The following KAZN variants were observed in gnomAD, a reference collection of about 807,000 sequenced individuals.
KAZN encodes the protein kazrin, periplakin interacting protein.
KAZN carries 40 observed loss-of-function variants against 87.4 expected under a neutral mutation model. That is an observed-to-expected ratio of 0.46 (90% CI 0.36 to 0.60). KAZN has a LOEUF of 0.60. Ranked by LOEUF, KAZN falls within the 20% of genes least tolerant of loss-of-function variation. The pLI is 0.00. For synonymous variants in KAZN, 466 were observed against 458.3 expected (o/e 1.02, Z -0.22); for missense variants, 898 against 1,073.9 (o/e 0.84, Z 2.29).
intron 2 of KAZN, among the ~76,000 whole-genome samples, chr1:14,559,897 C>T (rs1674151767): frequency 6.6e-6 from 1 of 152,250 alleles, no homozygotes. Context: ...GCAAGTGACA[C>T]TCACCAGTCC....
chr1:14,935,142 A>G (rs1432131842), intron 1 of KAZN, among the ~76,000 whole-genome samples: 1 of 152,168 alleles, frequency 6.6e-6, no homozygotes, highest in Non-Finnish European at 1.5e-5. Flanking sequence ...CTCTGCAGGG[A>G]CAGAGGCTAC....
At chr1:14,885,960 C>T (rs1653993924) in intron 1 of KAZN, among the ~76,000 whole-genome samples, 1 of 152,062 alleles carries the variant, frequency 6.6e-6, no homozygotes, top group Non-Finnish European at 1.5e-5. Flanking sequence ...TGTCCTGTGC[C>T]CTGTAGGATG....
At chr1:14,263,110 C>A (rs191725151) in intron 2 of KAZN, among the ~76,000 whole-genome samples, 1 of 152,252 alleles carries the variant, frequency 6.6e-6, no homozygotes, top group African/African-American at 2.4e-5. Flanking sequence ...GGAACCCAAA[C>A]CAAGTGTCTC....
At chr1:14,066,417 A>G (rs75189158) in intron 1 of KAZN, among the ~76,000 whole-genome samples, 3,107 of 152,308 alleles carry the variant, frequency 0.02, 81 homozygotes, top group East Asian at 0.067. Flanking sequence ...GGAGAATTCA[A>G]TCTCCTTGAA....
intron 2 of KAZN, among the ~76,000 whole-genome samples, chr1:14,297,534 ATCAGC>A (rs938208633): frequency 3.3e-5 from 5 of 152,034 alleles, no homozygotes; most frequent in African/African-American, 1.2e-4. Context: ...CTGGGCTCAG[ATCAGC>A]TCCCTCCCCC....
chr1:14,160,721 T>A (rs1173502790), intron 1 of KAZN, among the ~76,000 whole-genome samples: 1 of 152,216 alleles, frequency 6.6e-6, no homozygotes, highest in Non-Finnish European at 1.5e-5. Flanking sequence ...TAGAAGTAAG[T>A]GAATTTGGGG....
At chr1:14,849,112 A>T (rs760408217) in intron 1 of KAZN, among the ~76,000 whole-genome samples, 6 of 152,118 alleles carry the variant, frequency 3.9e-5, no homozygotes, top group Non-Finnish European at 5.9e-5. Context: ...CTCCCAGGGG[A>T]AAGTAGGATG....
At chr1:15,065,938 G>A (rs1398335665) in intron 8 of KAZN, 185 bp downstream of exon 8, 8 of 1,414,054 alleles carry the variant, frequency 5.7e-6, no homozygotes, top group African/African-American at 2.9e-5. Flanking sequence ...GGGTGTGGCC[G>A]AGCGCCTCTA....
intron 2 of KAZN, among the ~76,000 whole-genome samples, chr1:14,430,483 T>C (rs1200478699): frequency 2.6e-5 from 4 of 152,342 alleles, no homozygotes; most frequent in Non-Finnish European, 5.9e-5. Context: ...CTGGGTCCTA[T>C]TGATACTGAC....
chr1:14,253,141 C>T (rs1171631840), intron 2 of KAZN, among the ~76,000 whole-genome samples: 1 of 151,552 alleles, frequency 6.6e-6, no homozygotes, highest in Non-Finnish European at 1.5e-5. Flanking sequence ...AAAAAACGGC[C>T]CCACCCGGTT....
chr1:14,029,708 C>T (rs1312944616), intron 1 of KAZN, among the ~76,000 whole-genome samples: 1 of 151,858 alleles, frequency 6.6e-6, no homozygotes, highest in Non-Finnish European at 1.5e-5. Flanking sequence ...GCCAGTTTTC[C>T]CAACACCATT....
At chr1:14,914,513 A>T (rs1328351967) in intron 1 of KAZN, among the ~76,000 whole-genome samples, 1 of 152,158 alleles carries the variant, frequency 6.6e-6, no homozygotes, top group Non-Finnish European at 1.5e-5. Flanking sequence ...CCACTGAGGG[A>T]GATGAGTTTC....
At chr1:13,958,573 CA>C (rs34636758) in intron 1 of KAZN, among the ~76,000 whole-genome samples, 182 of 131,910 alleles carry the variant, frequency 1.4e-3, no homozygotes, top group Middle Eastern at 3.8e-3. Flanking sequence ...GACTCCATCT[CA>C]AAAAAAAAAA....
chr1:15,042,774 G>T (rs1673050189), intron 3 of KAZN, among the ~76,000 whole-genome samples: 1 of 152,308 alleles, frequency 6.6e-6, no homozygotes, highest in African/African-American at 2.4e-5. Context: ...CCATCTGGAA[G>T]TGAGGCCTTC....
chr1:14,221,542 G>T (rs7555642), intron 2 of KAZN, among the ~76,000 whole-genome samples: 142 of 152,076 alleles, frequency 9.3e-4, no homozygotes, highest in African/African-American at 3.3e-3. Context: ...GGAGCTTGAG[G>T]TGTGATTTCT....
intron 1 of KAZN, among the ~76,000 whole-genome samples, chr1:14,752,710 T>C (rs1030637856): frequency 3.3e-5 from 5 of 152,070 alleles, no homozygotes; most frequent in Non-Finnish European, 7.4e-5. Context: ...TACTATCACA[T>C]TGGCAATTAA....
intron 2 of KAZN, chr1:14,390,710 G>A (rs1662344130): frequency 6.5e-6 from 1 of 152,678 alleles, no homozygotes; most frequent in Non-Finnish European, 1.5e-5. Flanking sequence ...GGAAGTCCAA[G>A]CTTAAGGCCT....
chr1:14,366,622 A>G (rs1323685663), intron 2 of KAZN, among the ~76,000 whole-genome samples: 4 of 152,174 alleles, frequency 2.6e-5, no homozygotes, highest in Admixed American at 2.6e-4. Context: ...GCCGTGGGCG[A>G]GCACTTTTGT....
intron 1 of KAZN, among the ~76,000 whole-genome samples, chr1:14,732,446 C>T (rs181070392): frequency 3.8e-4 from 58 of 152,204 alleles, no homozygotes; most frequent in African/African-American, 1.3e-3. Flanking sequence ...CAAGACCAGC[C>T]GGGCCAATAT....
Sources: allele counts gnomAD v4.1 joint callset (sites outside exome capture counted in the v4.1 genomes callset), GRCh38; gene constraint gnomAD v4.1.1; transcripts MANE v1.5; gene names NCBI Gene and HGNC (gene_info 2026-07-23, HGNC 2026-07-21).